Variants in DOCK3 observed in about 807,000 individuals in gnomAD.
DOCK3 encodes the protein dedicator of cytokinesis protein 3.
DOCK3 carries 60 observed loss-of-function variants against 265.6 expected under a neutral mutation model. The ratio of observed to expected loss-of-function variants is 0.23; its 90% confidence interval spans 0.18 to 0.28. The LOEUF (loss-of-function observed/expected upper bound fraction) is 0.28, where lower values mean the gene tolerates loss of function less well. Ranked by LOEUF, DOCK3 falls within the 10% of genes least tolerant of loss-of-function variation. DOCK3 has a pLI of 1.00. For missense variants in DOCK3, 1,981 were observed against 2,594.3 expected, an observed-to-expected ratio of 0.76 and a Z score of 5.14; for synonymous variants, 881 against 938.0, an observed-to-expected ratio of 0.94 and a Z score of 1.11.
chr3:50,675,889 T>C lies in DOCK3; in HGVS notation c.37+589T>C, dbSNP rs562299026. Among the ~76,000 whole-genome samples, 289 of 152,360 alleles carry C rather than the reference T, an allele frequency of 1.9e-3. 2 individuals carry two copies. Among genetic ancestry groups the C allele is most frequent in the African/African-American group, 6.6e-3 (274 of 41,580 alleles). ...CATGTATCAATGTTTATACGGTTTT[T>C]TTTTTAAACCCTGTTTTCAGATGAG... On this transcript the variant is annotated intron_variant, in intron 1 of 52. Transcript: ENST00000266037. This position sits in a 1 kb window ranked among gnomAD's most constrained non-coding sequence, Gnocchi z 6.1.
intron 5 of DOCK3, among the ~76,000 whole-genome samples, chr3:51,049,968 C>G (rs2080932037): frequency 6.6e-6 from 1 of 151,840 alleles, no homozygotes; most frequent in African/African-American, 2.4e-5. Flanking sequence ...ACAATAGCAT[C>G]AAAAAGAATA....
intron 1 of DOCK3, among the ~76,000 whole-genome samples, chr3:50,732,068 A>T (rs764397934): frequency 6.6e-6 from 1 of 152,040 alleles, no homozygotes; most frequent in African/African-American, 2.4e-5. Flanking sequence ...CCAGGGTTCA[A>T]GTCCCTGCTT....
chr3:50,952,502 T>C (rs543834097), intron 5 of DOCK3, among the ~76,000 whole-genome samples: 25 of 152,340 alleles, frequency 1.6e-4, no homozygotes, highest in African/African-American at 5.8e-4. Context: ...TTTAGAAACC[T>C]GTCTTTAGAA....
chr3:51,161,006 G>A (rs562213881), intron 12 of DOCK3, among the ~76,000 whole-genome samples: 5 of 151,216 alleles, frequency 3.3e-5, no homozygotes, highest in Admixed American at 6.6e-5. Flanking sequence ...AACCTGGGAG[G>A]CAGAGGTTGC....
intron 28 of DOCK3, among the ~76,000 whole-genome samples, chr3:51,311,124 A>G (rs995789244): frequency 6.6e-6 from 1 of 152,196 alleles, no homozygotes; most frequent in African/African-American, 2.4e-5. Context: ...TTCCATTTGA[A>G]TCTTTCTTGT....
intron 6 of DOCK3, among the ~76,000 whole-genome samples, chr3:51,073,421 G>A (rs984387040): frequency 1.3e-5 from 2 of 152,326 alleles, no homozygotes; most frequent in South Asian, 4.1e-4. Context: ...AGTGTTAGAA[G>A]CCGGAGGCCT....
chr3:51,042,221 A>G lies in DOCK3; in HGVS notation c.316-22227A>G, dbSNP rs530805549. ...CAAACTGAATCCAGCAGCACATCAAAAAGTGAATCTACCACAATCAAGTAA... is the reference window on the plus strand; with the variant it reads ...CAAACTGAATCCAGCAGCACATCAAGAAGTGAATCTACCACAATCAAGTAA... On this transcript the variant is annotated intron_variant, in intron 5 of 52. Coordinates refer to ENST00000266037, the MANE Select transcript of DOCK3 (RefSeq NM_004947.5). Among the ~76,000 whole-genome samples, 20 of 152,302 alleles carry G rather than the reference A, an allele frequency of 1.3e-4. 1 individual carries two copies. In the South Asian group the frequency reaches 4.1e-3, roughly 32 times the overall value.
At chr3:51,248,748 G>A (rs1477729073) in intron 22 of DOCK3, among the ~76,000 whole-genome samples, 8 of 151,048 alleles carry the variant, frequency 5.3e-5, no homozygotes, top group Non-Finnish European at 1.0e-4. Flanking sequence ...AGGAAGTGAG[G>A]AGCGCCTCTT....
chr3:50,900,213 A>G (rs1042124135), intron 4 of DOCK3, among the ~76,000 whole-genome samples: 2 of 151,694 alleles, frequency 1.3e-5, no homozygotes, highest in African/African-American at 4.8e-5. Flanking sequence ...TTCTCGCTTT[A>G]TTTCATTAAG....
chr3:51,114,641 G>A (rs956844860), intron 9 of DOCK3, among the ~76,000 whole-genome samples: 3 of 152,088 alleles, frequency 2.0e-5, no homozygotes, highest in African/African-American at 4.8e-5. Flanking sequence ...CTTTTTTGTT[G>A]TTGTTGTTTC....
At chr3:51,168,131 A>G (rs2086496274) in intron 12 of DOCK3, among the ~76,000 whole-genome samples, 1 of 152,256 alleles carries the variant, frequency 6.6e-6, no homozygotes, top group Admixed American at 6.5e-5. Context: ...TTCATCATGA[A>G]AGGATGTTAA....
chr3:50,749,220 AT>A (rs2039637799), intron 1 of DOCK3, among the ~76,000 whole-genome samples: 1 of 152,176 alleles, frequency 6.6e-6, no homozygotes, highest in African/African-American at 2.4e-5. Flanking sequence ...TAATTAAAAT[AT>A]TGTTTTGCTT....
chr3:51,105,036 C>T (rs1267564151), intron 9 of DOCK3, among the ~76,000 whole-genome samples: 1 of 152,148 alleles, frequency 6.6e-6, no homozygotes, highest in East Asian at 1.9e-4. Flanking sequence ...TCCTACTAAT[C>T]TTTGCAGTGA....
intron 5 of DOCK3, among the ~76,000 whole-genome samples, chr3:50,962,633 G>A (rs1208847458): frequency 6.6e-6 from 1 of 152,152 alleles, no homozygotes; most frequent in Non-Finnish European, 1.5e-5. Flanking sequence ...TAAAAATTCA[G>A]AATACTGTTA....
chr3:51,305,836 T>TC (rs1277955620), intron 27 of DOCK3, among the ~76,000 whole-genome samples: 1 of 112,270 alleles, frequency 8.9e-6, no homozygotes, highest in African/African-American at 3.5e-5. Context: ...TTCTTCTTCT[T>TC]TTTTTTTTTT....
At chr3:51,247,264 G>T (rs1260976933) in intron 22 of DOCK3, among the ~76,000 whole-genome samples, 1 of 152,216 alleles carries the variant, frequency 6.6e-6, no homozygotes, top group Non-Finnish European at 1.5e-5. Flanking sequence ...CAGAAGAAGG[G>T]AATCTTAAAA....
intron 22 of DOCK3, among the ~76,000 whole-genome samples, chr3:51,250,984 A>G (rs1339802483): frequency 1.3e-5 from 2 of 152,152 alleles, no homozygotes. Context: ...CTCGTCATTT[A>G]CATTAGGTGT....
intron 12 of DOCK3, among the ~76,000 whole-genome samples, chr3:51,163,874 C>G (rs1351688872): frequency 2.6e-5 from 4 of 151,908 alleles, no homozygotes; most frequent in Non-Finnish European, 5.9e-5. Flanking sequence ...AGATATATTG[C>G]TCATTCTTGG....
intron 5 of DOCK3, among the ~76,000 whole-genome samples, chr3:51,012,562 A>G (rs2078994780): frequency 1.3e-5 from 2 of 152,152 alleles, no homozygotes; most frequent in Admixed American, 1.3e-4. Flanking sequence ...TCCCTTGGCT[A>G]GGAAAGGGAT....
Sources: gnomAD v4.1 joint callset for allele counts (sites outside exome capture counted in the v4.1 genomes callset) on GRCh38, gnomAD v4.1.1 for gene constraint, Gnocchi (gnomAD v3.1) non-coding constraint, MANE v1.5 for transcripts, NCBI Gene and HGNC (gene_info 2026-07-23, HGNC 2026-07-21) for gene names.